ARHGEF4: variants seen among roughly 807,000 people sequenced by gnomAD.
ARHGEF4 encodes Rho guanine nucleotide exchange factor 4, also known as APC-stimulated guanine nucleotide exchange factor 1.
In ARHGEF4, 119 loss-of-function variants were observed where a neutral mutation model predicts 162.0. The observed-to-expected ratio is 0.73, with a 90% CI of 0.63 to 0.86. The LOEUF (loss-of-function observed/expected upper bound fraction) is 0.86. Ranked by LOEUF, ARHGEF4 falls within the 40% of genes least tolerant of loss-of-function variation. ARHGEF4 has a pLI of 0.00. For missense variants in ARHGEF4, 2,488 were observed against 2,456.0 expected (o/e 1.01, Z -0.28); for synonymous variants, 1,014 against 979.9 (o/e 1.03, Z -0.65).
intron 4 of ARHGEF4, among the ~76,000 whole-genome samples, chr2:131,006,410 A>G (rs1333789568): frequency 1.3e-5 from 2 of 152,196 alleles, no homozygotes; most frequent in Non-Finnish European, 2.9e-5. Context: ...TAGGAAAATA[A>G]TACATGCATC....
In ARHGEF4 at chr2:131,046,480, G is replaced by A. The variant is rs1018998147; in HGVS notation, c.*291G>A. Reference sequence around the variant, plus strand: ...CTGTGTAGGGCCTCACTGCTGGAGCGGGGAAACCGCAGCTCAGCCCAGGCC... The same window carrying A: ...CTGTGTAGGGCCTCACTGCTGGAGCAGGGAAACCGCAGCTCAGCCCAGGCC... On this transcript the variant is annotated 3_prime_UTR_variant, in exon 14 of 14. Transcript: ENST00000409359. 2.5e-5 allele frequency: 9 copies of A among 359,656 alleles called. No individual in the cohort carries two copies. Among genetic ancestry groups the A allele is most frequent in the East Asian group, 4.8e-5 (1 of 20,954 alleles). The allele number at this position is 359,656 out of a possible 1,614,324, so 22.3% of individuals were successfully genotyped here.
Position 130,914,120 on chromosome 2 carries a change from G to A in ARHGEF4, c.174G>A (p.Gln58=). Residue 58 remains glutamine, a synonymous_variant, in exon 2 of 14, where the codon CAG becomes CAA. Transcript: ENST00000409359. The part of the protein sequence containing the change: ...TDRDDSETLS[Q]QSESGSDTKT... ...GCGATGATTCTGAAACGCTGTCCCA[G>A]CAGAGTGAAAGTGGATCAGACACAA... 1 of 1,536,170 alleles carries A rather than the reference G, an allele frequency of 6.5e-7. No individual in the cohort carries two copies. Among genetic ancestry groups the A allele is most frequent in the Non-Finnish European group, 8.7e-7 (1 of 1,146,924 alleles).
At position 130,903,690 on chromosome 2, in the gene ARHGEF4, C is replaced by T. The variant is rs567894425; in HGVS notation, c.40-10296C>T. Among the ~76,000 whole-genome samples, 10 of 152,258 alleles carry T rather than the reference C, an allele frequency of 6.6e-5. 1 individual carries two copies. Among genetic ancestry groups the T allele is most frequent in the Middle Eastern group, 3.4e-3 (1 of 294 alleles). On this transcript the variant is annotated intron_variant, in intron 1 of 13. Transcript: ENST00000409359. ...CCCAATAGGTAGTTTTCAACCCTTGCTCCTCTCCCCCAAATGTTTATTATT... is the reference window on the plus strand; with the variant it reads ...CCCAATAGGTAGTTTTCAACCCTTGTTCCTCTCCCCCAAATGTTTATTATT...
At chr2:130,997,987 C>A (rs910485988) in intron 4 of ARHGEF4, among the ~76,000 whole-genome samples, 5 of 152,096 alleles carry the variant, frequency 3.3e-5, no homozygotes, top group African/African-American at 1.2e-4. Flanking sequence ...GGGATAGTGT[C>A]CAGCTATACA....
intron 11 of ARHGEF4, 69 bp from the exon 12 acceptor site, chr2:131,044,230 A>T: frequency 6.3e-7 from 1 of 1,579,134 alleles, no homozygotes; most frequent in Non-Finnish European, 8.6e-7. Flanking sequence ...TGGGGAGAGG[A>T]GGTGGGAGCA....
At chr2:131,001,838 G>T (rs529334278) in intron 4 of ARHGEF4, among the ~76,000 whole-genome samples, 4 of 152,136 alleles carry the variant, frequency 2.6e-5, no homozygotes, top group Non-Finnish European at 4.4e-5. Context: ...TATTTAGTAA[G>T]ATTATAGAAA....
chr2:130,905,193 T>A (rs890284265), intron 1 of ARHGEF4, among the ~76,000 whole-genome samples: 13 of 152,236 alleles, frequency 8.5e-5, no homozygotes, highest in African/African-American at 2.9e-4. Context: ...CATTCTCTAT[T>A]TTCTTTTCTA....
In ARHGEF4 at chr2:130,914,475, G is replaced by T. The variant is rs983259724; in HGVS notation, c.529G>T (p.Val177Phe). Reference protein sequence around the residue: ...SLERESLLAGVPRHTGCCLQR... With the variant: ...SLERESLLAGFPRHTGCCLQR... The stretch of plus-strand genomic sequence containing the variant: ...GGAGCGAGAGTCTTTGCTGGCAGGG[G>T]TTCCCCGACACACAGGGTGCTGCTT... The change falls in exon 2 of 14, where the codon GTT (valine) becomes TTT (phenylalanine). Residue 177 changes from valine to phenylalanine, a missense_variant. By Grantham distance (50) the Val-to-Phe change is conservative (BLOSUM62 -1). Around this residue, in one of 6 missense-constraint regions of ARHGEF4, gnomAD observed 81 missense variants for 125.8 expected, o/e 0.64. Transcript: ENST00000409359. 7.0e-7 allele frequency: 1 copy of T among 1,433,264 alleles called. No homozygotes were observed. The highest frequency in any genetic ancestry group is 1.4e-5 in the African/African-American group (1 of 69,628). 88.8% of individuals were successfully genotyped at this position (1,433,264 alleles called of 1,614,324 possible).
chr2:130,927,448 G>A (rs1488426161), intron 2 of ARHGEF4, among the ~76,000 whole-genome samples: 1 of 152,194 alleles, frequency 6.6e-6, no homozygotes, highest in Non-Finnish European at 1.5e-5. Flanking sequence ...GGACATATGT[G>A]ACCCATGACA....
intron 4 of ARHGEF4, among the ~76,000 whole-genome samples, chr2:130,962,095 T>G (rs1000658030): frequency 6.6e-6 from 1 of 151,942 alleles, no homozygotes; most frequent in African/African-American, 2.4e-5. Context: ...AAAAATTAGC[T>G]GGGCATGGTG....
intron 3 of ARHGEF4, among the ~76,000 whole-genome samples, chr2:130,942,155 T>TTC (rs1350438330): frequency 6.8e-6 from 1 of 147,862 alleles, no homozygotes; most frequent in East Asian, 1.9e-4. Context: ...CTTTTTTCTT[T>TTC]TTTTTTTTTT....
intron 3 of ARHGEF4, among the ~76,000 whole-genome samples, chr2:130,944,273 G>T (rs1490918733): frequency 6.6e-6 from 1 of 152,086 alleles, no homozygotes; most frequent in Non-Finnish European, 1.5e-5. Context: ...TTTTCAGCTT[G>T]CAGTTTGCTG....
intron 4 of ARHGEF4, among the ~76,000 whole-genome samples, chr2:131,013,590 TTTGATTGATTGA>T (rs538220396): frequency 8.5e-5 from 13 of 152,106 alleles, no homozygotes; most frequent in East Asian, 1.9e-4. Context: ...AATTTGTTTG[TTTGATTGATTGA>T]TTGATTGATT....
chr2:130,875,770 A>C (rs1678789908), intron 1 of ARHGEF4, among the ~76,000 whole-genome samples: 1 of 152,092 alleles, frequency 6.6e-6, no homozygotes, highest in South Asian at 2.1e-4. Flanking sequence ...CCGCAAGTGG[A>C]TCAAACTCAG....
At chr2:130,999,544 C>G (rs1191101131) in intron 4 of ARHGEF4, among the ~76,000 whole-genome samples, 1 of 152,042 alleles carries the variant, frequency 6.6e-6, no homozygotes, top group Non-Finnish European at 1.5e-5. Context: ...TGTGGCTTTT[C>G]TTTTCATTCT....
At chr2:131,044,217 G>A (rs1691048693) in intron 11 of ARHGEF4, 82 bp from the exon 12 acceptor site, 1 of 1,557,558 alleles carries the variant, frequency 6.4e-7, no homozygotes, top group Non-Finnish European at 8.7e-7. Context: ...CCCCTCCTAT[G>A]GCTGGGGAGA....
Position 130,914,749 on chromosome 2 carries a change from G to T in ARHGEF4, c.803G>T (p.Arg268Met). 7.0e-7 allele frequency: 1 copy of T among 1,425,802 alleles called. No homozygotes were observed. Among genetic ancestry groups the T allele is most frequent in the South Asian group, 1.6e-5 (1 of 63,498 alleles). 88.3% of individuals were successfully genotyped at this position (1,425,802 alleles called of 1,614,324 possible). A position where few individuals can be genotyped will look rare whatever the true frequency, so the allele number is the denominator to read the frequency against. ...GACAACACAGCCCCTCTGGGGACCAGGACAAAGAAGGAAAGTACTCTAGGC... is the reference window on the plus strand; with the variant it reads ...GACAACACAGCCCCTCTGGGGACCATGACAAAGAAGGAAAGTACTCTAGGC... Reference protein sequence around the residue: ...PLDNTAPLGTRTKKESTLGPA... With the variant: ...PLDNTAPLGTMTKKESTLGPA... Residue 268 changes from arginine to methionine, a missense_variant, in exon 2 of 14, where the codon AGG becomes ATG. Around this residue, in one of 6 missense-constraint regions of ARHGEF4, gnomAD observed 1,642 missense variants for 1,481.5 expected, o/e 1.11. Transcript: ENST00000409359.
chr2:130,849,413 C>G (rs916320035), intron 1 of ARHGEF4, among the ~76,000 whole-genome samples: 2 of 152,134 alleles, frequency 1.3e-5, no homozygotes, highest in Non-Finnish European at 2.9e-5. Context: ...CCCCAGTGCC[C>G]TGGCCTGTGA....
intron 6 of ARHGEF4, chr2:131,039,274 C>T (rs1327030247): frequency 7.8e-6 from 10 of 1,288,466 alleles, no homozygotes; most frequent in Non-Finnish European, 1.0e-5. Flanking sequence ...TGTGTGCAGA[C>T]ACTAGGCACC....
Sources: gnomAD v4.1 joint callset for allele counts (sites outside exome capture counted in the v4.1 genomes callset) on GRCh38, gnomAD v4.1.1 for gene constraint, gnomAD v4.1.1 regional missense constraint, MANE v1.5 for transcripts, NCBI Gene and HGNC (gene_info 2026-07-23, HGNC 2026-07-21) for gene names.